Variants in NEO1 observed in about 807,000 individuals in gnomAD.
NEO1 encodes the protein neogenin 1, also known as neogenin.
In NEO1, 63 loss-of-function variants were observed where a neutral mutation model predicts 159.7. The ratio of observed to expected loss-of-function variants is 0.39; its 90% confidence interval spans 0.32 to 0.49. NEO1 has a LOEUF of 0.49. Among genes scored for constraint, NEO1 ranks in the 20% least tolerant of loss-of-function variants. The pLI is 0.85. For missense variants in NEO1, 1,615 were observed against 1,831.0 expected, an observed-to-expected ratio of 0.88 and a Z score of 2.15; for synonymous variants, 633 against 662.0, an observed-to-expected ratio of 0.96 and a Z score of 0.67.
At chr15:73,060,416 A>G (rs2067922075) in intron 1 of NEO1, among the ~76,000 whole-genome samples, 1 of 151,832 alleles carries the variant, frequency 6.6e-6, no homozygotes, top group Non-Finnish European at 1.5e-5. Context: ...GGCGTGCACC[A>G]CCACACCCTG....
intron 1 of NEO1, among the ~76,000 whole-genome samples, chr15:73,072,309 TTAATG>T (rs1182258774): frequency 6.6e-6 from 1 of 152,176 alleles, no homozygotes; most frequent in Non-Finnish European, 1.5e-5. Flanking sequence ...TTGTATTTCA[TTAATG>T]TAATATCTGG....
At chr15:73,068,201 G>C (rs906733668) in intron 1 of NEO1, among the ~76,000 whole-genome samples, 4 of 138,314 alleles carry the variant, frequency 2.9e-5, no homozygotes, top group Admixed American at 1.5e-4. Context: ...GCAGCCTCCT[G>C]TATTTTTGTT....
chr15:73,100,467 T>A, intron 1 of NEO1, among the ~76,000 whole-genome samples: 1 of 152,092 alleles, frequency 6.6e-6, no homozygotes, highest in East Asian at 1.9e-4. Context: ...CTCAAGTAGC[T>A]GGGATTACAG....
At chr15:73,199,400 T>G (rs950822877) in intron 7 of NEO1, among the ~76,000 whole-genome samples, 3 of 152,044 alleles carry the variant, frequency 2.0e-5, no homozygotes, top group South Asian at 2.1e-4. Flanking sequence ...CTCTATACTT[T>G]GGAAAAAAGT....
chr15:73,271,225 C>T lies in NEO1; in HGVS notation c.2857+771C>T, dbSNP rs2041153397. 2.0e-5 allele frequency among the ~76,000 whole-genome samples: 3 copies of T among 152,256 alleles called. No individual in the cohort carries two copies. In the South Asian group the frequency reaches 6.2e-4, roughly 32 times the overall value. ...ACAGTACATCAAAGTTTAAATAGAC[C>T]TTGAGTTTGCTTTCTTTGCCAACCA... On this transcript the variant is annotated intron_variant, in intron 18 of 28. Transcript: ENST00000261908.
chr15:73,181,674 A>C (rs1005701972), intron 7 of NEO1, among the ~76,000 whole-genome samples: 2 of 152,042 alleles, frequency 1.3e-5, no homozygotes, highest in African/African-American at 4.8e-5. Context: ...GTGAGAACTC[A>C]CTATCTCAAG....
chr15:73,116,820 A>T lies in NEO1; in HGVS notation c.411A>T (p.Gly137=). The change falls in exon 2 of 29, where the codon GGA becomes GGT. Residue 137 remains glycine (G), a synonymous_variant. Coordinates refer to ENST00000261908, the MANE Select transcript of NEO1 (RefSeq NM_002499.4). ...YQCVATVESL[G]TIISRTAKLI... Reference sequence around the variant, plus strand: ...GTGTGGCCACTGTTGAGAGTCTTGGAACTATTATCAGTAGAACAGCGAAGC... The same window carrying T: ...GTGTGGCCACTGTTGAGAGTCTTGGTACTATTATCAGTAGAACAGCGAAGC... The T allele has an allele frequency of 6.2e-7, 1 of 1,603,306 alleles. No individual in the cohort carries two copies. Among genetic ancestry groups the T allele is most frequent in the Non-Finnish European group, 8.5e-7 (1 of 1,176,008 alleles).
intron 5 of NEO1, among the ~76,000 whole-genome samples, chr15:73,150,027 A>G (rs1334411258): frequency 6.6e-6 from 1 of 152,190 alleles, no homozygotes; most frequent in Non-Finnish European, 1.5e-5. Context: ...TCTCTTGCCC[A>G]GCACACACAC....
At chr15:73,159,153 T>C (rs1473371962) in intron 5 of NEO1, among the ~76,000 whole-genome samples, 3 of 152,214 alleles carry the variant, frequency 2.0e-5, no homozygotes, top group African/African-American at 7.2e-5. Context: ...TGAGTAGTTA[T>C]TTAGAACGAG....
At chr15:73,107,169 T>C (rs2070736268) in intron 1 of NEO1, among the ~76,000 whole-genome samples, 1 of 152,236 alleles carries the variant, frequency 6.6e-6, no homozygotes, top group Non-Finnish European at 1.5e-5. Context: ...TTTATCATTA[T>C]GATTTTTTAA....
chr15:73,114,206 G>A (rs942037624), intron 1 of NEO1, among the ~76,000 whole-genome samples: 7 of 152,136 alleles, frequency 4.6e-5, no homozygotes, highest in African/African-American at 1.7e-4. Context: ...GAGTGGTGGT[G>A]GGAATAGCTT....
At chr15:73,111,100 T>C (rs1052302402) in intron 1 of NEO1, among the ~76,000 whole-genome samples, 4 of 152,186 alleles carry the variant, frequency 2.6e-5, no homozygotes, top group Non-Finnish European at 5.9e-5. Context: ...CTCTCTGCTC[T>C]CTTTTGGCAG....
chr15:73,257,683 C>T (rs1301957178), intron 13 of NEO1, among the ~76,000 whole-genome samples: 1 of 152,156 alleles, frequency 6.6e-6, no homozygotes, highest in Non-Finnish European at 1.5e-5. Context: ...AGTCTATAAA[C>T]TCTATAGGGT....
At chr15:73,249,373 T>C (rs2039958588) in intron 10 of NEO1, among the ~76,000 whole-genome samples, 165 bp downstream of exon 10, 1 of 152,176 alleles carries the variant, frequency 6.6e-6, no homozygotes, top group East Asian at 1.9e-4. Flanking sequence ...TATTGTGTAG[T>C]TTTTACCAGC....
chr15:73,120,941 C>T (rs2071610794), intron 2 of NEO1, among the ~76,000 whole-genome samples: 1 of 152,118 alleles, frequency 6.6e-6, no homozygotes. Flanking sequence ...TTGTTAACAT[C>T]TTATCGTATC....
Position 73,245,347 on chromosome 15 carries a change from G to A in NEO1, c.1606+849G>A, listed in dbSNP as rs142913077. The stretch of plus-strand genomic sequence containing the variant: ...CTTTATTTTGGACCTGTGGTCTTTC[G>A]TGCTAAATAGGGTTACTTCTAATTA... On this transcript the variant is annotated intron_variant, in intron 9 of 28. Coordinates refer to ENST00000261908, the MANE Select transcript of NEO1 (RefSeq NM_002499.4). Among the ~76,000 whole-genome samples, 1,066 of 152,098 alleles carry A rather than the reference G, an allele frequency of 7.0e-3. 53 individuals carry two copies. The highest frequency in any genetic ancestry group is 0.065 in the Admixed American group (992 of 15,266).
chr15:73,150,274 C>T (rs1567319539), intron 5 of NEO1, among the ~76,000 whole-genome samples: 2 of 152,064 alleles, frequency 1.3e-5, no homozygotes, highest in Non-Finnish European at 2.9e-5. Context: ...TTTAAAAGAA[C>T]TATTTTTCAG....
chr15:73,234,732 G>A (rs1271405051), intron 7 of NEO1, among the ~76,000 whole-genome samples: 1 of 151,720 alleles, frequency 6.6e-6, no homozygotes, highest in Admixed American at 6.6e-5. Flanking sequence ...TACCAAGGGA[G>A]GAGAAAAAAA....
intron 26 of NEO1, among the ~76,000 whole-genome samples, chr15:73,294,654 CTCAG>C (rs1250693173): frequency 6.6e-6 from 1 of 152,140 alleles, no homozygotes; most frequent in Non-Finnish European, 1.5e-5. Context: ...ATTCTCCTGC[CTCAG>C]CCTCCCAAGT....
Sources: gnomAD v4.1 joint callset for allele counts (sites outside exome capture counted in the v4.1 genomes callset) on GRCh38, gnomAD v4.1.1 for gene constraint, MANE v1.5 for transcripts, NCBI Gene and HGNC (gene_info 2026-07-23, HGNC 2026-07-21) for gene names.